The following XYLT1 variants were observed in gnomAD, a reference collection of about 807,000 sequenced individuals.
XYLT1 encodes the protein xylosyltransferase 1, also known as beta-D-xylosyltransferase 1.
In XYLT1, 36 loss-of-function variants were observed where a neutral mutation model predicts 91.3. The ratio of observed to expected loss-of-function variants is 0.39; its 90% CI spans 0.30 to 0.52. XYLT1 has a LOEUF of 0.52. Ranked by LOEUF, XYLT1 falls within the 20% of genes least tolerant of loss-of-function variation. The pLI, the probability that XYLT1 is intolerant of heterozygous loss-of-function variation, is 0.68. For missense variants in XYLT1, 1,242 were observed against 1,284.5 expected (o/e 0.97, Z 0.51); for synonymous variants, 588 against 532.0 (o/e 1.11, Z -1.45).
chr16:17,379,763 T>TCTTTCTCACACACACA (rs373354877), intron 1 of XYLT1, among the ~76,000 whole-genome samples: 16 of 125,622 alleles, frequency 1.3e-4, no homozygotes, highest in African/African-American at 4.4e-4. Flanking sequence ...TCTCTCTCTC[T>TCTTTCTCACACACACA]CACACACACA....
intron 1 of XYLT1, among the ~76,000 whole-genome samples, chr16:17,375,828 C>T (rs901458375): frequency 1.1e-4 from 16 of 152,246 alleles, no homozygotes; most frequent in African/African-American, 3.6e-4. Flanking sequence ...CCCGGCCTTT[C>T]ACTACCATGC....
chr16:17,217,505 T>C (rs1488395703), intron 3 of XYLT1, among the ~76,000 whole-genome samples: 1 of 152,262 alleles, frequency 6.6e-6, no homozygotes, highest in African/African-American at 2.4e-5. Flanking sequence ...CATTCTGTTT[T>C]CAGTAATGTA....
At chr16:17,122,951 C>G (rs913957285) in intron 10 of XYLT1, among the ~76,000 whole-genome samples, 1 of 152,132 alleles carries the variant, frequency 6.6e-6, no homozygotes, top group Non-Finnish European at 1.5e-5. Context: ...TTTTTTATAC[C>G]AGTACCATGC....
intron 3 of XYLT1, among the ~76,000 whole-genome samples, chr16:17,239,310 C>CCCTT (rs2033300191): frequency 8.8e-6 from 1 of 113,204 alleles, no homozygotes; most frequent in African/African-American, 3.2e-5. Flanking sequence ...CTCATCCAGT[C>CCCTT]CATTCATCCA....
chr16:17,193,697 C>G (rs1483708834), intron 5 of XYLT1: 1 of 152,270 alleles, frequency 6.6e-6, no homozygotes, highest in Non-Finnish European at 1.5e-5. Flanking sequence ...TAAGTTTGCT[C>G]ATTCTTTCTG....
intron 2 of XYLT1, among the ~76,000 whole-genome samples, chr16:17,264,297 T>C (rs1567347824): frequency 6.6e-6 from 1 of 152,196 alleles, no homozygotes; most frequent in Admixed American, 6.5e-5. Flanking sequence ...CTATTTTCGA[T>C]AGCTGATAGA....
intron 3 of XYLT1, chr16:17,227,391 G>A (rs2033085735): frequency 6.6e-6 from 1 of 152,544 alleles, no homozygotes; most frequent in South Asian, 2.1e-4. Context: ...CGGCTGGGAG[G>A]TGAATTCTAC....
Position 17,130,499 on chromosome 16 carries a change from T to C in XYLT1, c.2028-2638A>G, listed in dbSNP as rs545286313. On this transcript the variant is annotated intron_variant, in intron 9 of 11. Transcript: ENST00000261381. The stretch of plus-strand genomic sequence containing the variant: ...TTCACCTTCTTTATATTTTTTGAGA[T>C]GGAGTCTCTGTCACCCAGGCTAGAG... Among the ~76,000 whole-genome samples, 719 of 152,218 alleles carry C rather than the reference T, an allele frequency of 4.7e-3. 3 individuals carry two copies. The highest frequency in any genetic ancestry group is 8.7e-3 in the Non-Finnish European group (593 of 68,020).
intron 5 of XYLT1, among the ~76,000 whole-genome samples, chr16:17,161,360 T>G (rs1247936842): frequency 1.3e-5 from 2 of 152,008 alleles, no homozygotes; most frequent in Non-Finnish European, 2.9e-5. Context: ...AAGCCGCCTT[T>G]CAAAGCCAAG....
At chr16:17,430,137 A>G (rs1478341574) in intron 1 of XYLT1, among the ~76,000 whole-genome samples, 1 of 151,824 alleles carries the variant, frequency 6.6e-6, no homozygotes, top group African/African-American at 2.4e-5. Flanking sequence ...GGGTTTCACC[A>G]TGTTGGCCAG....
At chr16:17,309,101 C>T (rs189943148) in intron 2 of XYLT1, among the ~76,000 whole-genome samples, 257 of 152,156 alleles carry the variant, frequency 1.7e-3, no homozygotes, top group African/African-American at 5.9e-3. Context: ...GGTGGAAAGG[C>T]GGCTCAGAGA....
intron 1 of XYLT1, among the ~76,000 whole-genome samples, chr16:17,469,381 A>G (rs2036946672): frequency 6.6e-6 from 1 of 152,254 alleles, no homozygotes; most frequent in Non-Finnish European, 1.5e-5. Flanking sequence ...CACATTGGCT[A>G]TGCCCTAAGG....
chr16:17,229,973 G>C (rs1022213901), intron 3 of XYLT1, among the ~76,000 whole-genome samples: 1 of 152,196 alleles, frequency 6.6e-6, no homozygotes, highest in African/African-American at 2.4e-5. Context: ...GGAAGGTCAC[G>C]TGCTGATAGA....
intron 3 of XYLT1, among the ~76,000 whole-genome samples, chr16:17,219,876 A>G (rs981549234): frequency 2.0e-5 from 3 of 152,030 alleles, no homozygotes; most frequent in African/African-American, 7.2e-5. Context: ...TAGAAATACA[A>G]AAAAATTAGC....
intron 2 of XYLT1, among the ~76,000 whole-genome samples, chr16:17,296,478 CCT>C (rs1204135889): frequency 2.0e-5 from 3 of 152,150 alleles, no homozygotes; most frequent in African/African-American, 7.2e-5. Context: ...CCTGTTCCTG[CCT>C]CTCTGTTTGT....
intron 1 of XYLT1, among the ~76,000 whole-genome samples, chr16:17,401,017 T>C (rs1050356340): frequency 6.7e-6 from 1 of 149,546 alleles, no homozygotes; most frequent in Admixed American, 6.6e-5. Flanking sequence ...CACACACACC[T>C]GTCTACAATC....
At chr16:17,131,823 C>T (rs948895651) in intron 9 of XYLT1, among the ~76,000 whole-genome samples, 17 of 152,152 alleles carry the variant, frequency 1.1e-4, no homozygotes, top group African/African-American at 3.6e-4. Flanking sequence ...CCCCACATGC[C>T]CCGGGGCTAG....
intron 1 of XYLT1, among the ~76,000 whole-genome samples, chr16:17,370,017 T>C (rs1003159111): frequency 1.3e-5 from 2 of 151,898 alleles, no homozygotes; most frequent in Non-Finnish European, 1.5e-5. Flanking sequence ...TGGCCTGGGA[T>C]AGAACATCCT....
In XYLT1 at chr16:17,327,349, CTTTTCTT is replaced by C. The variant is rs1471563368; in HGVS notation, c.402+30656_402+30662del. The stretch of plus-strand genomic sequence containing the variant: ...TAAAAACGAGCAACAACTTCCTTTT[CTTTTCTT>C]TTTTCTTTTTTTTTTTTTTTTTTTG... On this transcript the variant is annotated intron_variant, in intron 2 of 11. Coordinates refer to ENST00000261381, the MANE Select transcript of XYLT1 (RefSeq NM_022166.4). Among the ~76,000 whole-genome samples the C allele has an allele frequency of 2.1e-4, 29 of 139,256 alleles. No homozygotes were observed. The East Asian group carries it at 2.4e-3, about 12-fold the overall frequency. 91.4% of individuals were successfully genotyped at this position (139,256 alleles called of 152,430 possible).
Sources: allele counts gnomAD v4.1 joint callset (sites outside exome capture counted in the v4.1 genomes callset), GRCh38; gene constraint gnomAD v4.1.1; transcripts MANE v1.5; gene names NCBI Gene and HGNC (gene_info 2026-07-23, HGNC 2026-07-21).